PCDHA13: variants seen among roughly 807,000 people sequenced by gnomAD.
PCDHA13 encodes protocadherin alpha 13, also known as protocadherin alpha-13.
A neutral mutation model predicts 64.8 loss-of-function variants in PCDHA13; 54 were observed. The observed-to-expected ratio is 0.83, with a 90% CI of 0.67 to 1.04. The LOEUF is 1.04. PCDHA13 is among the 50% of genes least tolerant of loss of function. PCDHA13 has a pLI of 0.00. For synonymous variants in PCDHA13, 587 were observed against 564.4 expected (o/e 1.04, Z -0.57); for missense variants, 1,248 against 1,254.3 (o/e 0.99, Z 0.08).
In PCDHA13 at chr5:140,883,821, A is replaced by G. The variant is rs376667172; in HGVS notation, c.1553A>G (p.Tyr518Cys). 3 of 1,612,334 alleles carry G rather than the reference A, an allele frequency of 1.9e-6. No homozygotes were observed. Among genetic ancestry groups the G allele is most frequent in the Non-Finnish European group, 2.5e-6 (3 of 1,179,764 alleles). ...VSVHAESGKV[Y>C]ALQPLDHEEL... The stretch of plus-strand genomic sequence containing the variant: ...GTGCACGCGGAGAGCGGCAAGGTGT[A>G]CGCGCTGCAGCCGTTGGACCACGAG... The change falls in exon 1 of 4, where the codon TAC (tyrosine) becomes TGC (cysteine). Residue 518 changes from tyrosine (Y) to cysteine (C), a missense_variant. Tyr to Cys is a radical substitution (Grantham distance 194). Coordinates refer to ENST00000289272, the MANE Select transcript of PCDHA13 (RefSeq NM_018904.3).
At chr5:140,970,139 A>G (rs1433151291) in intron 1 of PCDHA13, among the ~76,000 whole-genome samples, 3 of 152,124 alleles carry the variant, frequency 2.0e-5, no homozygotes, top group Non-Finnish European at 4.4e-5. Flanking sequence ...AGAAGGGAAA[A>G]AGAATTCTCC....
At chr5:140,922,858 G>C (rs1363202579) in intron 1 of PCDHA13, among the ~76,000 whole-genome samples, 1 of 152,124 alleles carries the variant, frequency 6.6e-6, no homozygotes, top group Non-Finnish European at 1.5e-5. Flanking sequence ...CAAATACATA[G>C]ACAAGGGGAA....
At chr5:140,959,269 C>A (rs1334380683) in intron 1 of PCDHA13, among the ~76,000 whole-genome samples, 1 of 151,924 alleles carries the variant, frequency 6.6e-6, no homozygotes, top group Non-Finnish European at 1.5e-5. Flanking sequence ...CCCAGCTACC[C>A]AGGAGCCTGA....
At chr5:140,943,515 G>C (rs2093511975) in intron 1 of PCDHA13, among the ~76,000 whole-genome samples, 1 of 152,100 alleles carries the variant, frequency 6.6e-6, no homozygotes, top group African/African-American at 2.4e-5. Context: ...TGGAAATGTT[G>C]AGTTCAGTAT....
intron 1 of PCDHA13, chr5:140,928,603 C>A: frequency 1.2e-6 from 2 of 1,614,208 alleles, no homozygotes; most frequent in South Asian, 2.2e-5. Flanking sequence ...GGAAATTGTG[C>A]CCCGCTCTGC....
chr5:140,999,594 A>G (rs1279617761), intron 3 of PCDHA13, among the ~76,000 whole-genome samples: 25 of 152,186 alleles, frequency 1.6e-4, no homozygotes, highest in Admixed American at 1.4e-3. Flanking sequence ...TGCCTTCCCT[A>G]CATCCTGGGG....
intron 1 of PCDHA13, among the ~76,000 whole-genome samples, chr5:140,959,119 G>A (rs576475580): frequency 3.3e-5 from 5 of 152,160 alleles, no homozygotes; most frequent in East Asian, 3.9e-4. Context: ...GAAGGTGGGC[G>A]AGGTGAGCCC....
At chr5:140,967,405 G>A in intron 1 of PCDHA13, 1 of 1,612,164 alleles carries the variant, frequency 6.2e-7, no homozygotes, top group Non-Finnish European at 8.5e-7. Context: ...TGCTGCGTAA[G>A]GGCCTAGACC....
chr5:140,961,114 A>G (rs2095591473), intron 1 of PCDHA13, among the ~76,000 whole-genome samples: 1 of 152,212 alleles, frequency 6.6e-6, no homozygotes, highest in African/African-American at 2.4e-5. Flanking sequence ...ACCCCCTTGC[A>G]TCTTAATGTC....
chr5:140,909,767 G>A (rs114075983), intron 1 of PCDHA13, among the ~76,000 whole-genome samples: 11,557 of 152,088 alleles, frequency 0.076, 504 homozygotes, highest in Middle Eastern at 0.14. Context: ...TGAGTCCAGG[G>A]ACCCACTGGA....
intron 1 of PCDHA13, chr5:140,926,715 G>C (rs114961630): frequency 2.1e-6 from 2 of 952,238 alleles, no homozygotes; most frequent in Non-Finnish European, 1.4e-6. Flanking sequence ...GGCCAGCCCC[G>C]GCAATGCCGG....
At chr5:140,923,785 C>T (rs2081509867) in intron 1 of PCDHA13, among the ~76,000 whole-genome samples, 1 of 152,156 alleles carries the variant, frequency 6.6e-6, no homozygotes, top group African/African-American at 2.4e-5. Flanking sequence ...ATGGTTTCTT[C>T]ATTCTTTTCA....
intron 3 of PCDHA13, 167 bp from the exon 4 acceptor site, chr5:141,009,460 T>C (rs1375350735): frequency 3.2e-6 from 3 of 950,276 alleles, no homozygotes; most frequent in African/African-American, 1.8e-5. Flanking sequence ...ATTAAACAAA[T>C]AAATAAATAA....
chr5:140,995,314 G>A (rs2097676013), intron 3 of PCDHA13, among the ~76,000 whole-genome samples: 1 of 152,140 alleles, frequency 6.6e-6, no homozygotes, highest in Admixed American at 6.5e-5. Context: ...CTTTCTAAGT[G>A]AACTAACAGG....
chr5:140,917,960 T>C (rs531936377), intron 1 of PCDHA13, among the ~76,000 whole-genome samples: 8 of 152,316 alleles, frequency 5.3e-5, no homozygotes, highest in East Asian at 3.9e-4. Context: ...AGGAACATCA[T>C]TGAATCTGTG....
intron 1 of PCDHA13, among the ~76,000 whole-genome samples, chr5:140,904,137 G>A (rs2070857554): frequency 6.6e-6 from 1 of 152,040 alleles, no homozygotes; most frequent in African/African-American, 2.4e-5. Context: ...CATCACCCGA[G>A]CAGTATACAT....
At chr5:141,001,030 G>A (rs1356604139) in intron 3 of PCDHA13, among the ~76,000 whole-genome samples, 1 of 151,894 alleles carries the variant, frequency 6.6e-6, no homozygotes, top group Non-Finnish European at 1.5e-5. Context: ...TATAATAATA[G>A]CTTTAATTAA....
chr5:140,893,862 C>T (rs1376548113), intron 1 of PCDHA13, among the ~76,000 whole-genome samples: 1 of 152,158 alleles, frequency 6.6e-6, no homozygotes, highest in East Asian at 1.9e-4. Flanking sequence ...TGTATAGAAA[C>T]AACCCAGATC....
At chr5:140,970,252 T>A (rs2096392828) in intron 1 of PCDHA13, among the ~76,000 whole-genome samples, 1 of 152,234 alleles carries the variant, frequency 6.6e-6, no homozygotes, top group Non-Finnish European at 1.5e-5. Context: ...GTTGACAGTT[T>A]CTATGGTTTT....
Sources: gnomAD v4.1 joint callset for allele counts (sites outside exome capture counted in the v4.1 genomes callset) on GRCh38, gnomAD v4.1.1 for gene constraint, MANE v1.5 for transcripts, NCBI Gene and HGNC (gene_info 2026-07-23, HGNC 2026-07-21) for gene names.